TAS2R1: variants seen among roughly 807,000 people sequenced by gnomAD.
TAS2R1 encodes the protein taste receptor type 2 member 1.
For missense variants in TAS2R1, 370 were observed against 353.4 expected, an observed-to-expected ratio of 1.05 and a Z score of -0.38; for synonymous variants, 141 against 134.2, an observed-to-expected ratio of 1.05 and a Z score of -0.35.
the TAS2R1 span, among the ~76,000 whole-genome samples, chr5:9,809,186 C>T: frequency 6.6e-6 from 1 of 152,128 alleles, no homozygotes. Context: ...TCTCTTTAGA[C>T]TAGACTTCAG....
At chr5:9,682,156 G>C (rs553517846) in intron 1 of TAS2R1, among the ~76,000 whole-genome samples, 1 of 152,206 alleles carries the variant, frequency 6.6e-6, no homozygotes, top group South Asian at 2.1e-4. Context: ...AGTTTTTATA[G>C]GTTAATACCT....
At chr5:9,891,548 G>T in the TAS2R1 span, among the ~76,000 whole-genome samples, 1 of 152,074 alleles carries the variant, frequency 6.6e-6, no homozygotes, top group Non-Finnish European at 1.5e-5. Context: ...GTGGCTGGGG[G>T]AGGGCTCAGC....
At chr5:9,791,011 C>T in the TAS2R1 span, among the ~76,000 whole-genome samples, 1 of 152,152 alleles carries the variant, frequency 6.6e-6, no homozygotes, top group Non-Finnish European at 1.5e-5. Context: ...GTCTGTGGCC[C>T]AGCACTATGG....
intron 2 of TAS2R1, among the ~76,000 whole-genome samples, chr5:9,639,061 T>G (rs1225387698): frequency 1.3e-5 from 2 of 152,152 alleles, no homozygotes; most frequent in Non-Finnish European, 2.9e-5. Flanking sequence ...CCCGCTCCAT[T>G]GGCAGCAGCT....
rs561004579 is a variant in TAS2R1 at position 9,664,345 on chromosome 5, A to G, written c.-241-4764T>C. 4.6e-5 allele frequency among the ~76,000 whole-genome samples: 7 copies of G among 152,324 alleles called. No homozygotes were observed. The South Asian group carries it at 8.3e-4, about 18-fold the overall frequency. ...GTAAATTTTTAATCGTGTTTCCTTT[A>G]GGTGCTGTGATGCATTTGATGCAGA... On this transcript the variant is annotated intron_variant, in intron 1 of 2. Coordinates refer to the TAS2R1 transcript ENST00000506620.
the TAS2R1 span, among the ~76,000 whole-genome samples, chr5:9,727,226 A>G: frequency 6.6e-6 from 1 of 152,196 alleles, no homozygotes; most frequent in Admixed American, 6.5e-5. Context: ...CCTCAAAGAG[A>G]TGAGGTATTA....
At chr5:9,710,881 A>G (rs781669176) in intron 1 of TAS2R1, among the ~76,000 whole-genome samples, 5 of 96,520 alleles carry the variant, frequency 5.2e-5, no homozygotes, top group Non-Finnish European at 8.2e-5. Flanking sequence ...ATATATATGC[A>G]TACACACACA....
the TAS2R1 span, among the ~76,000 whole-genome samples, chr5:9,732,903 G>A: frequency 2.0e-5 from 3 of 152,116 alleles, no homozygotes; most frequent in East Asian, 3.9e-4. Context: ...GCAATCTTGA[G>A]GAAGAATTAT....
intron 2 of TAS2R1, among the ~76,000 whole-genome samples, chr5:9,648,833 G>A (rs1323068829): frequency 6.6e-6 from 1 of 152,102 alleles, no homozygotes; most frequent in African/African-American, 2.4e-5. Context: ...GGCTCATGAA[G>A]AGGAAGAAGG....
the TAS2R1 span, among the ~76,000 whole-genome samples, chr5:9,742,417 G>T: frequency 6.6e-6 from 1 of 152,182 alleles, no homozygotes; most frequent in Non-Finnish European, 1.5e-5. Flanking sequence ...ACTCCCCTGA[G>T]AGATTTGTAC....
chr5:9,721,550 T>A, the TAS2R1 span, among the ~76,000 whole-genome samples: 1 of 152,242 alleles, frequency 6.6e-6, no homozygotes, highest in African/African-American at 2.4e-5. Flanking sequence ...ATCATCATCA[T>A]CATTTGCAGC....
the TAS2R1 span, among the ~76,000 whole-genome samples, chr5:9,882,792 T>C: frequency 6.6e-6 from 1 of 152,110 alleles, no homozygotes. Context: ...GAACCAGAAA[T>C]ATCACTTGAC....
chr5:9,637,162 A>T (rs1579762231), intron 2 of TAS2R1, among the ~76,000 whole-genome samples: 1 of 152,264 alleles, frequency 6.6e-6, no homozygotes, highest in Admixed American at 6.5e-5. Context: ...TCTGAAAAAG[A>T]CTTTATCTGT....
chr5:9,810,872 T>C, the TAS2R1 span, among the ~76,000 whole-genome samples: 1 of 152,130 alleles, frequency 6.6e-6, no homozygotes, highest in Admixed American at 6.5e-5. Flanking sequence ...GAATGTCTTC[T>C]CTTTGTCTAC....
chr5:9,895,904 T>A, the TAS2R1 span, among the ~76,000 whole-genome samples: 1 of 152,220 alleles, frequency 6.6e-6, no homozygotes, highest in Non-Finnish European at 1.5e-5. Flanking sequence ...TATGAACGCA[T>A]CTGAATTTCA....
the TAS2R1 span, among the ~76,000 whole-genome samples, chr5:9,848,886 T>C: frequency 6.6e-6 from 1 of 152,218 alleles, no homozygotes; most frequent in African/African-American, 2.4e-5. Context: ...TTAACCGTTT[T>C]TTAAGTCTGT....
the TAS2R1 span, among the ~76,000 whole-genome samples, chr5:9,860,094 G>A: frequency 3.3e-5 from 5 of 152,148 alleles, no homozygotes; most frequent in Admixed American, 3.3e-4. Context: ...TGGCAATAAG[G>A]GGAAGAAGGA....
At chr5:9,682,070 C>T (rs577692006) in intron 1 of TAS2R1, among the ~76,000 whole-genome samples, 2 of 152,074 alleles carry the variant, frequency 1.3e-5, no homozygotes, top group African/African-American at 2.4e-5. Context: ...GTATCTGGAA[C>T]ATTCAGGATA....
At chr5:9,681,182 G>A (rs1455136113) in intron 1 of TAS2R1, among the ~76,000 whole-genome samples, 1 of 152,040 alleles carries the variant, frequency 6.6e-6, no homozygotes, top group Non-Finnish European at 1.5e-5. Flanking sequence ...GCAAATCTGA[G>A]TAAAGTATGC....
Sources: allele counts gnomAD v4.1 joint callset (sites outside exome capture counted in the v4.1 genomes callset), GRCh38; gene constraint gnomAD v4.1.1; transcripts MANE v1.5; gene names NCBI Gene and HGNC (gene_info 2026-07-23, HGNC 2026-07-21).